Variants in ZNF474 observed in about 807,000 individuals in gnomAD.
ZNF474 encodes 4933409D10Rik.
For synonymous variants in ZNF474, 192 were observed against 162.2 expected, an observed-to-expected ratio of 1.18 and a Z score of -1.39; for missense variants, 511 against 433.8, an observed-to-expected ratio of 1.18 and a Z score of -1.58.
At chr5:122,144,478 T>C (rs1211150794) in intron 1 of ZNF474, among the ~76,000 whole-genome samples, 2 of 152,200 alleles carry the variant, frequency 1.3e-5, no homozygotes, top group Non-Finnish European at 2.9e-5. Context: ...TGGGCTCTGT[T>C]CTGCCAGCTC....
chr5:122,152,178 C>A lies in ZNF474; in HGVS notation c.188C>A (p.Pro63His), dbSNP rs761268305. ...NIKTDTQKKR[P>H]GTVILSKLSS... ...AAGACAGACACTCAGAAAAAGAGAC[C>A]TGGGACTGTGATACTATCAAAACTG... The change falls in exon 2 of 2, where the codon CCT (proline) becomes CAT (histidine). Residue 63 changes from proline to histidine, a missense_variant. Coordinates refer to ENST00000296600, the MANE Select transcript of ZNF474 (RefSeq NM_207317.3). 20 of 1,614,072 alleles carry A rather than the reference C, an allele frequency of 1.2e-5. No individual in the cohort carries two copies. The highest frequency in any genetic ancestry group is 1.7e-5 in the Non-Finnish European group (20 of 1,180,016).
chr5:122,137,396 G>A (rs1157864180), intron 1 of ZNF474, among the ~76,000 whole-genome samples: 1 of 122,350 alleles, frequency 8.2e-6, no homozygotes, highest in African/African-American at 3.2e-5. Context: ...GCAGTGAGCC[G>A]AGATTATGCC....
intron 1 of ZNF474, among the ~76,000 whole-genome samples, chr5:122,131,427 A>G (rs576793842): frequency 6.6e-6 from 1 of 152,272 alleles, no homozygotes; most frequent in East Asian, 1.9e-4. Context: ...CAACAGATAA[A>G]TGGATAAAGA....
At chr5:122,149,027 G>T (rs1756090824) in intron 1 of ZNF474, among the ~76,000 whole-genome samples, 1 of 152,056 alleles carries the variant, frequency 6.6e-6, no homozygotes, top group Non-Finnish European at 1.5e-5. Flanking sequence ...ACCGCGCCCG[G>T]CCTGGAAAAA....
intron 1 of ZNF474, among the ~76,000 whole-genome samples, chr5:122,150,687 C>A (rs145331941): frequency 6.6e-6 from 1 of 152,120 alleles, no homozygotes; most frequent in Non-Finnish European, 1.5e-5. Flanking sequence ...TATAAACCCA[C>A]GGTAAAATTT....
At chr5:122,145,120 A>G (rs1054707096) in intron 1 of ZNF474, among the ~76,000 whole-genome samples, 1 of 152,228 alleles carries the variant, frequency 6.6e-6, no homozygotes, top group Non-Finnish European at 1.5e-5. Context: ...AGATTGAATG[A>G]AAGTGAAAGA....
At chr5:122,138,047 G>C in intron 1 of ZNF474, among the ~76,000 whole-genome samples, 1 of 152,184 alleles carries the variant, frequency 6.6e-6, no homozygotes, top group East Asian at 1.9e-4. Flanking sequence ...TACATAAATT[G>C]ATGTAATATC....
rs1435162581 is a variant in ZNF474 at position 122,151,988 on chromosome 5, T to C, written c.-3T>C. 1 of 1,605,926 alleles carries C rather than the reference T, an allele frequency of 6.2e-7. No homozygotes were observed. The highest frequency in any genetic ancestry group is 2.2e-5 in the East Asian group (1 of 44,844). On this transcript the variant is annotated 5_prime_UTR_variant, in exon 2 of 2. Transcript: ENST00000296600. The stretch of plus-strand genomic sequence containing the variant: ...CAAGCACTACAGAAAGACATCTTTG[T>C]TAATGGAAAGAGGAAAGAAGAAAAG...
At chr5:122,151,624 C>T (rs1756172942) in intron 1 of ZNF474, among the ~76,000 whole-genome samples, 155 bp from the exon 2 acceptor site, 1 of 151,664 alleles carries the variant, frequency 6.6e-6, no homozygotes, top group African/African-American at 2.4e-5. Flanking sequence ...ATGCTGGTTA[C>T]TGTGCTAGTC....
chr5:122,139,090 T>TATCTG (rs1409787601), intron 1 of ZNF474, among the ~76,000 whole-genome samples: 3 of 152,248 alleles, frequency 2.0e-5, no homozygotes, highest in Admixed American at 6.5e-5. Flanking sequence ...TGGATTGCTT[T>TATCTG]ATCTGTTCAG....
chr5:122,146,257 G>C (rs138959346), intron 1 of ZNF474, among the ~76,000 whole-genome samples: 1 of 151,886 alleles, frequency 6.6e-6, no homozygotes, highest in African/African-American at 2.4e-5. Flanking sequence ...TAGAAAAGAA[G>C]GTTGGGAGTA....
In ZNF474 at chr5:122,132,385, T is replaced by G. The variant is rs1382194207; in HGVS notation, c.-213+2702T>G. ...TTGGGTATTTTAGAATTTAACTTTA[T>G]AAAGTTAAATTTTTAGATAATCCAA... On this transcript the variant is annotated intron_variant, in intron 1 of 1. Transcript: ENST00000296600. Among the ~76,000 whole-genome samples, 3 of 152,094 alleles carry G rather than the reference T, an allele frequency of 2.0e-5. No individual in the cohort carries two copies. The East Asian group carries it at 5.8e-4, about 29-fold the overall frequency.
chr5:122,130,311 A>C (rs1287070280), intron 1 of ZNF474, among the ~76,000 whole-genome samples: 1 of 152,120 alleles, frequency 6.6e-6, no homozygotes, highest in Non-Finnish European at 1.5e-5. Flanking sequence ...CATTTATTTC[A>C]CCCTGGAATG....
intron 1 of ZNF474, among the ~76,000 whole-genome samples, chr5:122,140,257 A>G (rs1234442023): frequency 2.0e-5 from 3 of 152,234 alleles, no homozygotes; most frequent in South Asian, 2.1e-4. Flanking sequence ...ACAAAATTAT[A>G]TAGAGCTTAA....
rs1407512260 is a variant in ZNF474 at position 122,153,502 on chromosome 5, A to G, written c.*417A>G. 5.6e-6 allele frequency: 1 copy of G among 180,080 alleles called. No individual in the cohort carries two copies. The highest frequency in any genetic ancestry group is 1.3e-5 in the Non-Finnish European group (1 of 76,912). 11.2% of individuals were successfully genotyped at this position (180,080 alleles called of 1,614,324 possible). ...GTTATGCTGAGTTTATCTTACTAAA[A>G]TAGAATCTGTGTCAAAAACCCCCAA... On this transcript the variant is annotated 3_prime_UTR_variant, in exon 2 of 2. Coordinates refer to ENST00000296600, the MANE Select transcript of ZNF474 (RefSeq NM_207317.3).
intron 1 of ZNF474, among the ~76,000 whole-genome samples, chr5:122,150,105 C>A (rs538391381): frequency 1.3e-5 from 2 of 152,250 alleles, no homozygotes; most frequent in Admixed American, 1.3e-4. Flanking sequence ...CCTCGGTGAA[C>A]AGAGCCAATA....
chr5:122,152,654 G>A lies in ZNF474; in HGVS notation c.664G>A (p.Val222Ile), dbSNP rs747168872. Residue 222 changes from valine (V) to isoleucine (I), a missense_variant, in exon 2 of 2, where the codon GTT becomes ATT. Coordinates refer to ENST00000296600, the MANE Select transcript of ZNF474 (RefSeq NM_207317.3). ...TGGAACCCCAGCCCGACCAAGGACT[G>A]TTATCTGCTACATATGTGGTAAGGA... Reference protein sequence around the residue: ...CSGTPARPRTVICYICGKEFG... With the variant: ...CSGTPARPRTIICYICGKEFG... 1.9e-6 allele frequency: 3 copies of A among 1,614,086 alleles called. No individual in the cohort carries two copies. The highest frequency in any genetic ancestry group is 2.7e-5 in the African/African-American group (2 of 74,942).
chr5:122,148,352 G>T (rs1267977249), intron 1 of ZNF474, among the ~76,000 whole-genome samples: 1 of 152,236 alleles, frequency 6.6e-6, no homozygotes. Context: ...GAAGGAAAGG[G>T]ATGGTAGAAA....
chr5:122,151,718 T>TGTGTGTG (rs1554065545), intron 1 of ZNF474, 61 bp from the exon 2 acceptor site: 13 of 320,070 alleles, frequency 4.1e-5, no homozygotes, highest in African/African-American at 2.5e-4. Flanking sequence ...TGTGTGTGTG[T>TGTGTGTG]GTGTGTGTGT....
Sources: allele counts gnomAD v4.1 joint callset (sites outside exome capture counted in the v4.1 genomes callset), GRCh38; gene constraint gnomAD v4.1.1; transcripts MANE v1.5; gene names NCBI Gene and HGNC (gene_info 2026-07-23, HGNC 2026-07-21).